The following CNTNAP5 variants were observed in gnomAD, a reference collection of about 807,000 sequenced individuals.
CNTNAP5 encodes contactin associated protein family member 5.
Under a neutral mutation model 150.2 loss-of-function variants are expected in CNTNAP5, and 72 were observed. The observed-to-expected ratio is 0.48, with a 90% CI of 0.40 to 0.58. The LOEUF is 0.58. Ranked by LOEUF, CNTNAP5 falls within the 20% of genes least tolerant of loss-of-function variation. The probability of loss-of-function intolerance (pLI) is 0.00; values close to 1 mark genes in which losing one functional copy is unlikely to be tolerated. For missense variants in CNTNAP5, 1,636 were observed against 1,626.2 expected (o/e 1.01, Z -0.10); for synonymous variants, 672 against 619.8 (o/e 1.08, Z -1.25).
chr2:124,262,874 C>T (rs555789583), intron 3 of CNTNAP5, among the ~76,000 whole-genome samples: 122 of 147,712 alleles, frequency 8.3e-4, no homozygotes, highest in African/African-American at 2.9e-3. Context: ...TGTTCAATTC[C>T]CACCTATGAG....
chr2:124,306,478 A>G (rs1015969544), intron 3 of CNTNAP5, among the ~76,000 whole-genome samples: 2 of 152,184 alleles, frequency 1.3e-5, no homozygotes, highest in Non-Finnish European at 2.9e-5. Flanking sequence ...TCTGGCCAGG[A>G]ATATGACCTA....
At chr2:124,604,855 A>G (rs577714329) in intron 11 of CNTNAP5, among the ~76,000 whole-genome samples, 41 of 152,314 alleles carry the variant, frequency 2.7e-4, no homozygotes, top group Admixed American at 4.6e-4. Flanking sequence ...TCAATGACTT[A>G]GTGAAATAAA....
chr2:124,545,958 G>C (rs1695502045), intron 10 of CNTNAP5, among the ~76,000 whole-genome samples: 1 of 152,062 alleles, frequency 6.6e-6, no homozygotes, highest in South Asian at 2.1e-4. Context: ...TTGAAAGTTA[G>C]ACCTCAGCCC....
intron 2 of CNTNAP5, among the ~76,000 whole-genome samples, chr2:124,234,480 A>G (rs537270227): frequency 1.3e-5 from 2 of 152,330 alleles, no homozygotes; most frequent in South Asian, 2.1e-4. Flanking sequence ...TTTAAATTTA[A>G]ATATTCACTA....
rs1686053878 is a variant in CNTNAP5 at position 124,212,873 on chromosome 2, C to T, written c.83-8832C>T. ...TTTTTTTTTGAGATGGAGTCTTGCT[C>T]TGTCACCCAGGCTAGCGTGCAATGG... On this transcript the variant is annotated intron_variant, in intron 1 of 23. Coordinates refer to ENST00000682447, the MANE Select transcript of CNTNAP5 (RefSeq NM_001367498.1). Among the ~76,000 whole-genome samples, 3 of 109,672 alleles carry T rather than the reference C, an allele frequency of 2.7e-5. 1 individual carries two copies. The South Asian group carries it at 9.4e-4, about 34-fold the overall frequency. The allele number at this position is 109,672 out of a possible 152,430, so 71.9% of individuals were successfully genotyped here.
chr2:124,791,752 G>A (rs1573620152), intron 18 of CNTNAP5, among the ~76,000 whole-genome samples: 1 of 85,836 alleles, frequency 1.2e-5, no homozygotes, highest in Non-Finnish European at 2.3e-5. Flanking sequence ...ATTTTCTTCT[G>A]TCCACGGCCC....
intron 13 of CNTNAP5, among the ~76,000 whole-genome samples, chr2:124,672,252 C>A (rs1169367829): frequency 6.6e-6 from 1 of 152,084 alleles, no homozygotes; most frequent in East Asian, 1.9e-4. Flanking sequence ...AAGGGCCCAC[C>A]CATTTGCCCT....
intron 13 of CNTNAP5, among the ~76,000 whole-genome samples, chr2:124,738,454 C>T (rs1489485747): frequency 6.6e-6 from 1 of 151,996 alleles, no homozygotes; most frequent in Non-Finnish European, 1.5e-5. Context: ...CAAGGTCTGC[C>T]GGGCAAGGTG....
chr2:124,348,792 GA>G (rs1195468655), intron 3 of CNTNAP5, among the ~76,000 whole-genome samples: 1 of 151,948 alleles, frequency 6.6e-6, no homozygotes, highest in Admixed American at 6.6e-5. Flanking sequence ...CAAATTTCTA[GA>G]AATAGTGTTA....
chr2:124,672,742 T>C (rs545094134), intron 13 of CNTNAP5, among the ~76,000 whole-genome samples: 2 of 152,328 alleles, frequency 1.3e-5, no homozygotes, highest in Admixed American at 1.3e-4. Flanking sequence ...ATCTCTCCTA[T>C]AAATATGTTC....
chr2:124,339,302 G>C (rs890219122), intron 3 of CNTNAP5, among the ~76,000 whole-genome samples: 1 of 152,100 alleles, frequency 6.6e-6, no homozygotes, highest in Non-Finnish European at 1.5e-5. Context: ...GGAGACAAAT[G>C]AAAGGCTCAT....
chr2:124,368,279 A>G (rs1573947166), intron 3 of CNTNAP5, among the ~76,000 whole-genome samples: 1 of 152,162 alleles, frequency 6.6e-6, no homozygotes, highest in East Asian at 1.9e-4. Context: ...CAAAAATGAA[A>G]CTATGCTGAA....
intron 2 of CNTNAP5, among the ~76,000 whole-genome samples, chr2:124,222,377 C>T (rs1215668676): frequency 6.6e-6 from 1 of 152,018 alleles, no homozygotes; most frequent in African/African-American, 2.4e-5. Context: ...ATGTTGTTAA[C>T]AAATATGATG....
intron 13 of CNTNAP5, among the ~76,000 whole-genome samples, chr2:124,731,444 C>T (rs1680268652): frequency 6.6e-6 from 1 of 151,216 alleles, no homozygotes; most frequent in Admixed American, 6.6e-5. Context: ...CTTGTCGAAT[C>T]GATTGTGCTA....
chr2:124,635,536 C>T (rs368209636), intron 12 of CNTNAP5, among the ~76,000 whole-genome samples: 26 of 152,168 alleles, frequency 1.7e-4, no homozygotes, highest in Middle Eastern at 3.2e-3. Flanking sequence ...TGAGAAGGTC[C>T]ATCAAGTCCT....
intron 11 of CNTNAP5, among the ~76,000 whole-genome samples, chr2:124,563,582 A>G (rs2104931109): frequency 6.6e-6 from 1 of 152,362 alleles, no homozygotes; most frequent in African/African-American, 2.4e-5. Context: ...GAATAAGTTT[A>G]AGGTGGAAGC....
chr2:124,913,370 C>T lies in CNTNAP5; in HGVS notation c.3728-722C>T, dbSNP rs371789232. On this transcript the variant is annotated intron_variant, in intron 23 of 23. Transcript: ENST00000682447. ...CTTCCTGGCAAAGGTAGGGGTGAGA[C>T]CCTAGGGTAAGCAAGAATAGCTTGC... Among the ~76,000 whole-genome samples, 42 of 152,082 alleles carry T rather than the reference C, an allele frequency of 2.8e-4. 2 individuals carry two copies. The East Asian group carries it at 8.2e-3, about 30-fold the overall frequency.
intron 7 of CNTNAP5, among the ~76,000 whole-genome samples, chr2:124,499,374 C>A (rs749409285): frequency 1.3e-5 from 2 of 152,164 alleles, no homozygotes; most frequent in Non-Finnish European, 2.9e-5. Flanking sequence ...GAGAAGGCAG[C>A]CACTGTGGGA....
At chr2:124,458,737 C>A (rs1693179584) in intron 6 of CNTNAP5, among the ~76,000 whole-genome samples, 1 of 151,784 alleles carries the variant, frequency 6.6e-6, no homozygotes, top group Non-Finnish European at 1.5e-5. Flanking sequence ...AAAGTGTCTA[C>A]AATTTTTTAA....
Sources: gnomAD v4.1 joint callset for allele counts (sites outside exome capture counted in the v4.1 genomes callset) on GRCh38, gnomAD v4.1.1 for gene constraint, MANE v1.5 for transcripts, NCBI Gene and HGNC (gene_info 2026-07-23, HGNC 2026-07-21) for gene names.